The following PCCA variants were observed in gnomAD, a reference collection of about 807,000 sequenced individuals.
The protein encoded by PCCA is propionyl-CoA carboxylase alpha chain, mitochondrial.
In PCCA, 74 loss-of-function variants were observed where a neutral mutation model predicts 101.3. That is an observed-to-expected ratio of 0.73 (90% CI 0.61 to 0.89). The LOEUF is 0.89. PCCA is among the 40% of genes least tolerant of loss of function. The pLI is 0.00. For synonymous variants in PCCA, 294 were observed against 313.6 expected (o/e 0.94, Z 0.66); for missense variants, 891 against 907.0 (o/e 0.98, Z 0.23).
intron 19 of PCCA, among the ~76,000 whole-genome samples, chr13:100,392,296 A>G (rs2076835794): frequency 6.6e-6 from 1 of 152,196 alleles, no homozygotes; most frequent in Non-Finnish European, 1.5e-5. Flanking sequence ...TCTTTAATAA[A>G]TTAGAATGTT....
At chr13:100,155,141 C>G (rs1473563965) in intron 5 of PCCA, 49 bp downstream of exon 5, 4 of 1,174,058 alleles carry the variant, frequency 3.4e-6, no homozygotes, top group Non-Finnish European at 5.1e-6. Context: ...ATGTAGTGAG[C>G]AGAAAGCTAG....
At chr13:100,135,039 AGCTT>A (rs2050993309) in intron 4 of PCCA, among the ~76,000 whole-genome samples, 1 of 151,320 alleles carries the variant, frequency 6.6e-6, no homozygotes, top group South Asian at 2.1e-4. Flanking sequence ...CACCATGCCC[AGCTT>A]GTACTGTTTT....
At chr13:100,325,486 AG>A (rs1188828908) in intron 16 of PCCA, among the ~76,000 whole-genome samples, 4 of 152,184 alleles carry the variant, frequency 2.6e-5, no homozygotes, top group African/African-American at 9.7e-5. Context: ...TTGAAGAGAA[AG>A]GATATCTGCT....
chr13:100,357,865 A>C (rs1343128044), intron 18 of PCCA, among the ~76,000 whole-genome samples: 1 of 152,190 alleles, frequency 6.6e-6, no homozygotes, highest in African/African-American at 2.4e-5. Flanking sequence ...GAAAGGGAGC[A>C]ACAGAGTGAA....
chr13:100,160,591 ATAGCAATTTTCAATAATTT>A (rs1396813349), intron 6 of PCCA: 1 of 152,160 alleles, frequency 6.6e-6, no homozygotes, highest in Non-Finnish European at 1.5e-5. Flanking sequence ...CCTCATAAAA[ATAGCAATTTTCAATAATTT>A]TAATGTGCTG....
intron 6 of PCCA, among the ~76,000 whole-genome samples, chr13:100,174,348 C>A (rs2056023394): frequency 1.3e-5 from 2 of 150,884 alleles, no homozygotes; most frequent in Non-Finnish European, 2.9e-5. Flanking sequence ...TTAAATGTAG[C>A]CAGAAACCAC....
At chr13:100,159,696 C>G (rs1281105297) in intron 6 of PCCA, among the ~76,000 whole-genome samples, 1 of 152,116 alleles carries the variant, frequency 6.6e-6, no homozygotes, top group African/African-American at 2.4e-5. Context: ...GTTTTCTTTC[C>G]AAACCTATTT....
At chr13:100,128,755 A>T (rs1485970112) in intron 4 of PCCA, among the ~76,000 whole-genome samples, 6 of 151,970 alleles carry the variant, frequency 3.9e-5, no homozygotes, top group Non-Finnish European at 1.5e-5. Context: ...ATCTTTTAAC[A>T]CTATTACCCT....
rs183464918 is a variant in PCCA, at chr13:100,479,036, A to G, written c.1899+29731A>G. Among the ~76,000 whole-genome samples, 408 of 152,256 alleles carry G rather than the reference A, an allele frequency of 2.7e-3. 5 individuals carry two copies. The highest frequency in any genetic ancestry group is 5.0e-4 in the Non-Finnish European group (34 of 68,016). ...TTCTGGGACGTTACCTAAAAACACAATAATCCCACTTATTCTCTGACAGAT... is the reference window on the plus strand; with the variant it reads ...TTCTGGGACGTTACCTAAAAACACAGTAATCCCACTTATTCTCTGACAGAT... On this transcript the variant is annotated intron_variant, in intron 21 of 23. Transcript: ENST00000376285.
At chr13:100,476,600 T>G (rs2083438160) in intron 21 of PCCA, among the ~76,000 whole-genome samples, 1 of 152,228 alleles carries the variant, frequency 6.6e-6, no homozygotes, top group African/African-American at 2.4e-5. Flanking sequence ...TACTCATTCA[T>G]TTATCCAAGT....
intron 16 of PCCA, among the ~76,000 whole-genome samples, chr13:100,322,526 G>A (rs912410796): frequency 6.6e-6 from 1 of 151,234 alleles, no homozygotes; most frequent in Non-Finnish European, 1.5e-5. Context: ...CTAATCATTA[G>A]GTAAACTATT....
At chr13:100,422,603 T>C (rs1162484927) in intron 19 of PCCA, among the ~76,000 whole-genome samples, 1 of 152,218 alleles carries the variant, frequency 6.6e-6, no homozygotes, top group Non-Finnish European at 1.5e-5. Context: ...CTAACCCCCT[T>C]CCTCCTCCAT....
At chr13:100,103,479 CATTT>C (rs2047461720) in intron 2 of PCCA, among the ~76,000 whole-genome samples, 1 of 149,666 alleles carries the variant, frequency 6.7e-6, no homozygotes, top group Non-Finnish European at 1.5e-5. Context: ...ACCTGGCTAA[CATTT>C]ATATTTTTAG....
intron 21 of PCCA, among the ~76,000 whole-genome samples, chr13:100,457,037 G>T (rs905955459): frequency 1.3e-5 from 2 of 152,112 alleles, no homozygotes; most frequent in Non-Finnish European, 2.9e-5. Context: ...CGTGACAGAG[G>T]GCTCACCTCT....
chr13:100,343,222 A>G (rs965505609), intron 18 of PCCA, among the ~76,000 whole-genome samples: 5 of 152,134 alleles, frequency 3.3e-5, no homozygotes, highest in Admixed American at 6.5e-5. Flanking sequence ...AAGCTAAACA[A>G]TCTAATAAAA....
At chr13:100,393,941 T>C (rs1486704032) in intron 19 of PCCA, among the ~76,000 whole-genome samples, 1 of 152,224 alleles carries the variant, frequency 6.6e-6, no homozygotes, top group African/African-American at 2.4e-5. Flanking sequence ...CAGATAGTGA[T>C]ACATAGAAAT....
At chr13:100,477,744 A>G (rs568422502) in intron 21 of PCCA, among the ~76,000 whole-genome samples, 6 of 152,206 alleles carry the variant, frequency 3.9e-5, no homozygotes, top group Non-Finnish European at 8.8e-5. Context: ...GGTGAGCCCT[A>G]TGAAGCGTGT....
chr13:100,215,040 G>T (rs950229290), intron 7 of PCCA, among the ~76,000 whole-genome samples: 2 of 152,010 alleles, frequency 1.3e-5, no homozygotes, highest in Non-Finnish European at 2.9e-5. Flanking sequence ...GTATGTATCC[G>T]CCATACTTGA....
At chr13:100,166,038 T>G (rs1375064349) in intron 6 of PCCA, among the ~76,000 whole-genome samples, 2 of 152,232 alleles carry the variant, frequency 1.3e-5, no homozygotes, top group Non-Finnish European at 2.9e-5. Context: ...TGTGTACACT[T>G]ATGAAATCAT....
Sources: allele counts gnomAD v4.1 joint callset (sites outside exome capture counted in the v4.1 genomes callset), GRCh38; gene constraint gnomAD v4.1.1; transcripts MANE v1.5; gene names NCBI Gene and HGNC (gene_info 2026-07-23, HGNC 2026-07-21).